The following PPARGC1A variants were observed in gnomAD, a reference collection of about 807,000 sequenced individuals.
The protein encoded by PPARGC1A is peroxisome proliferator-activated receptor gamma coactivator 1-alpha.
PPARGC1A carries 25 observed loss-of-function variants against 88.7 expected under a neutral mutation model. The ratio of observed to expected loss-of-function variants is 0.28; its 90% CI spans 0.21 to 0.39. The LOEUF is 0.39. PPARGC1A is among the 10% of genes least tolerant of loss of function. The probability of loss-of-function intolerance (pLI) is 1.00; values close to 1 mark genes in which losing one functional copy is unlikely to be tolerated. For missense variants in PPARGC1A, 880 were observed against 968.7 expected (o/e 0.91, Z 1.22); for synonymous variants, 363 against 355.6 (o/e 1.02, Z -0.24).
chr4:24,012,283 G>A, the PPARGC1A span, among the ~76,000 whole-genome samples: 1 of 152,134 alleles, frequency 6.6e-6, no homozygotes, highest in Admixed American at 6.5e-5. Context: ...GGTGACCACA[G>A]AGTTGGTCAT....
intron 2 of PPARGC1A, among the ~76,000 whole-genome samples, chr4:23,846,064 A>G (rs1728256495): frequency 6.6e-6 from 1 of 152,192 alleles, no homozygotes; most frequent in Admixed American, 6.5e-5. Flanking sequence ...TTTAAAAGTG[A>G]GTTTGATAAC....
chr4:24,343,558 G>A, the PPARGC1A span, among the ~76,000 whole-genome samples: 1 of 152,126 alleles, frequency 6.6e-6, no homozygotes, highest in Non-Finnish European at 1.5e-5. Context: ...AGAACTATCA[G>A]AAAGAAATTT....
At chr4:24,034,284 CA>C in the PPARGC1A span, among the ~76,000 whole-genome samples, 2 of 151,828 alleles carry the variant, frequency 1.3e-5, no homozygotes, top group East Asian at 1.9e-4. Flanking sequence ...CAAAGTAAAA[CA>C]AAAAAAGGAC....
chr4:24,390,762 C>G, the PPARGC1A span, among the ~76,000 whole-genome samples: 2 of 151,908 alleles, frequency 1.3e-5, no homozygotes, highest in Non-Finnish European at 2.9e-5. Context: ...TTCTATGTTG[C>G]TCTCTCACCT....
intron 2 of PPARGC1A, among the ~76,000 whole-genome samples, chr4:23,858,404 G>A (rs1260118994): frequency 6.6e-6 from 1 of 152,080 alleles, no homozygotes; most frequent in Non-Finnish European, 1.5e-5. Flanking sequence ...TTTACAAAAG[G>A]AGAAAAAAGA....
At chr4:24,462,066 T>C in the PPARGC1A span, among the ~76,000 whole-genome samples, 1 of 152,084 alleles carries the variant, frequency 6.6e-6, no homozygotes, top group African/African-American at 2.4e-5. Context: ...TTTTTAGACA[T>C]GCAGAGCAGC....
chr4:23,982,636 C>G, the PPARGC1A span, among the ~76,000 whole-genome samples: 2 of 152,126 alleles, frequency 1.3e-5, no homozygotes, highest in East Asian at 3.9e-4. Context: ...TGTTTCTCAA[C>G]AGCCTACAAA....
At chr4:24,296,110 A>C in the PPARGC1A span, among the ~76,000 whole-genome samples, 1 of 150,912 alleles carries the variant, frequency 6.6e-6, no homozygotes, top group African/African-American at 2.4e-5. Flanking sequence ...ATATATGTAC[A>C]TATATACATA....
At chr4:24,123,253 G>A in the PPARGC1A span, among the ~76,000 whole-genome samples, 1 of 152,148 alleles carries the variant, frequency 6.6e-6, no homozygotes, top group African/African-American at 2.4e-5. Context: ...CTGCCACCAG[G>A]TAGTACCAAA....
chr4:23,941,556 C>A, the PPARGC1A span, among the ~76,000 whole-genome samples: 6,966 of 152,196 alleles, frequency 0.046, 533 homozygotes, highest in African/African-American at 0.16. Context: ...CCTGAAGGGA[C>A]TTACAGTTTA....
chr4:24,221,973 TCCCA>T, the PPARGC1A span, among the ~76,000 whole-genome samples: 4 of 152,108 alleles, frequency 2.6e-5, no homozygotes, highest in Non-Finnish European at 5.9e-5. Context: ...TTTTAGCAAG[TCCCA>T]GTGTTTGGAA....
the PPARGC1A span, among the ~76,000 whole-genome samples, chr4:24,415,679 C>T: frequency 6.6e-6 from 1 of 152,180 alleles, no homozygotes; most frequent in Admixed American, 6.5e-5. Flanking sequence ...ATTACGAATA[C>T]ATATAAAGTT....
intron 11 of PPARGC1A, 61 bp from the exon 12 acceptor site, chr4:23,801,942 C>A (rs1279872861): frequency 2.5e-6 from 4 of 1,584,594 alleles, no homozygotes; most frequent in African/African-American, 2.7e-5. Flanking sequence ...GGGACTGTAA[C>A]CCTTTCTACT....
chr4:23,937,752 CCAG>C, the PPARGC1A span, among the ~76,000 whole-genome samples: 1 of 152,122 alleles, frequency 6.6e-6, no homozygotes, highest in Non-Finnish European at 1.5e-5. Flanking sequence ...TAGATCTCCA[CCAG>C]GGACAGAAAT....
At chr4:24,104,618 G>C in the PPARGC1A span, among the ~76,000 whole-genome samples, 1 of 152,108 alleles carries the variant, frequency 6.6e-6, no homozygotes. Flanking sequence ...AGAGAGAGCT[G>C]ACATCTCATT....
the PPARGC1A span, among the ~76,000 whole-genome samples, chr4:23,912,820 A>C: frequency 6.9e-6 from 1 of 145,698 alleles, no homozygotes; most frequent in African/African-American, 2.6e-5. Context: ...ACGGAGTCTC[A>C]CTCTGTCGCC....
chr4:24,286,023 C>T, the PPARGC1A span, among the ~76,000 whole-genome samples: 3 of 152,142 alleles, frequency 2.0e-5, no homozygotes, highest in African/African-American at 7.2e-5. Flanking sequence ...ATTACAGCAG[C>T]AATCCCCTGA....
the PPARGC1A span, among the ~76,000 whole-genome samples, chr4:24,354,425 C>T: frequency 3.3e-5 from 5 of 152,194 alleles, no homozygotes; most frequent in Non-Finnish European, 7.3e-5. Flanking sequence ...ACTTGCTGAA[C>T]ATTAACAATT....
chr4:24,015,496 A>T, the PPARGC1A span, among the ~76,000 whole-genome samples: 1 of 152,166 alleles, frequency 6.6e-6, no homozygotes, highest in South Asian at 2.1e-4. Flanking sequence ...TGCAGCAACA[A>T]TGAAGTCCCA....
Sources: allele counts gnomAD v4.1 joint callset (sites outside exome capture counted in the v4.1 genomes callset), GRCh38; gene constraint gnomAD v4.1.1; transcripts MANE v1.5; gene names NCBI Gene and HGNC (gene_info 2026-07-23, HGNC 2026-07-21).